Variants in EFCAB5 observed in about 807,000 individuals in gnomAD.
EFCAB5 encodes EF-hand calcium binding domain 5, also known as EF-hand calcium-binding domain-containing protein 5.
EFCAB5 carries 131 observed loss-of-function variants against 167.9 expected under a neutral mutation model. That is an observed-to-expected ratio of 0.78 (90% confidence interval 0.68 to 0.90). The LOEUF (loss-of-function observed/expected upper bound fraction) is 0.90. Ranked by LOEUF, EFCAB5 falls within the 40% of genes least tolerant of loss-of-function variation. The pLI, the probability that EFCAB5 is intolerant of heterozygous loss-of-function variation, is 0.00. For missense variants in EFCAB5, 1,663 were observed against 1,745.2 expected (o/e 0.95, Z 0.84); for synonymous variants, 574 against 602.8 (o/e 0.95, Z 0.70).
At chr17:29,931,108 A>C (rs1453185249) in intron 1 of EFCAB5, among the ~76,000 whole-genome samples, 1 of 152,252 alleles carries the variant, frequency 6.6e-6, no homozygotes, top group African/African-American at 2.4e-5. Flanking sequence ...AATCAAGATT[A>C]AAAAGGAAAA....
At chr17:30,046,896 T>C (rs2069944198) in intron 8 of EFCAB5, among the ~76,000 whole-genome samples, 1 of 152,202 alleles carries the variant, frequency 6.6e-6, no homozygotes, top group Non-Finnish European at 1.5e-5. Context: ...CCAGGAATAC[T>C]AGTTCAAAGT....
chr17:30,008,953 G>C (rs2068833515), intron 7 of EFCAB5, among the ~76,000 whole-genome samples: 3 of 152,294 alleles, frequency 2.0e-5, no homozygotes, highest in South Asian at 4.1e-4. Context: ...GTCTGTGGAA[G>C]AATTTGTTCC....
At chr17:30,061,984 A>C (rs2070437288) in intron 14 of EFCAB5, among the ~76,000 whole-genome samples, 2 of 152,192 alleles carry the variant, frequency 1.3e-5, no homozygotes, top group South Asian at 4.1e-4. Context: ...GGAATAAGCC[A>C]TTTTTTCCCC....
chr17:30,005,566 A>G (rs1033633508), intron 7 of EFCAB5, among the ~76,000 whole-genome samples: 14 of 152,276 alleles, frequency 9.2e-5, no homozygotes, highest in African/African-American at 2.6e-4. Context: ...ATATGTTTGT[A>G]AACTAAAAAT....
chr17:30,051,777 T>A (rs1378454061), intron 9 of EFCAB5, among the ~76,000 whole-genome samples: 1 of 152,100 alleles, frequency 6.6e-6, no homozygotes. Context: ...AAGGATAGTC[T>A]CAAATGCCTG....
intron 19 of EFCAB5, among the ~76,000 whole-genome samples, chr17:30,089,237 T>A (rs1162850470): frequency 4.6e-5 from 7 of 152,058 alleles, no homozygotes; most frequent in Non-Finnish European, 7.4e-5. Flanking sequence ...TTGGAGGAAG[T>A]CAGTTGACCA....
chr17:29,990,576 C>T (rs573761042), intron 4 of EFCAB5, among the ~76,000 whole-genome samples: 2 of 152,184 alleles, frequency 1.3e-5, no homozygotes, highest in Non-Finnish European at 2.9e-5. Flanking sequence ...ATCCTGTCAT[C>T]CCCACTGGCA....
Position 30,078,224 on chromosome 17 carries a change from A to AC in EFCAB5, c.2748dup (p.Ile917HisfsTer29). The AC allele has an allele frequency of 6.2e-7, 1 of 1,611,146 alleles. No individual in the cohort carries two copies. The highest frequency in any genetic ancestry group is 8.5e-7 in the Non-Finnish European group (1 of 1,178,148). On this transcript the variant is annotated frameshift_variant, in exon 15 of 23. Coordinates refer to ENST00000394835, the MANE Select transcript of EFCAB5 (RefSeq NM_198529.4). LOFTEE classifies it high-confidence loss of function. ...TGTTTGTGTCTTTTAGCTAAACTACACATCCAATTTCCAAAGCCACACCCT... is the reference window on the plus strand; with the variant it reads ...TGTTTGTGTCTTTTAGCTAAACTACACCATCCAATTTCCAAAGCCACACCCT...
At chr17:30,027,432 T>C (rs972227737) in intron 7 of EFCAB5, among the ~76,000 whole-genome samples, 2 of 151,764 alleles carry the variant, frequency 1.3e-5, no homozygotes, top group African/African-American at 4.8e-5. Flanking sequence ...TATACTTTAT[T>C]AGGTGTGGTT....
chr17:29,972,353 C>A (rs1015017523), intron 4 of EFCAB5, among the ~76,000 whole-genome samples: 1 of 151,928 alleles, frequency 6.6e-6, no homozygotes, highest in African/African-American at 2.4e-5. Flanking sequence ...CCGGCCCAGG[C>A]ATTTTTTAAA....
At chr17:29,948,124 C>G (rs1020210314) in intron 3 of EFCAB5, among the ~76,000 whole-genome samples, 4 of 152,092 alleles carry the variant, frequency 2.6e-5, no homozygotes, top group Admixed American at 2.0e-4. Context: ...CCGCGCCTGG[C>G]CTAAATTAAC....
intron 18 of EFCAB5, among the ~76,000 whole-genome samples, chr17:30,086,387 A>C (rs2071089103): frequency 6.6e-6 from 1 of 152,194 alleles, no homozygotes; most frequent in Admixed American, 6.5e-5. Flanking sequence ...AGAAGCAGGG[A>C]GAATGAAGAT....
chr17:30,024,625 T>C (rs1221188938), intron 7 of EFCAB5, among the ~76,000 whole-genome samples: 2 of 151,804 alleles, frequency 1.3e-5, no homozygotes, highest in African/African-American at 4.8e-5. Context: ...AATTTATAGA[T>C]TCAATGCCAT....
intron 7 of EFCAB5, among the ~76,000 whole-genome samples, chr17:30,001,649 A>G (rs1349633976): frequency 6.6e-6 from 1 of 152,204 alleles, no homozygotes; most frequent in African/African-American, 2.4e-5. Flanking sequence ...TATGTGAATT[A>G]TGTCTCCATA....
chr17:30,066,539 A>G (rs1332094644), intron 14 of EFCAB5, among the ~76,000 whole-genome samples: 2 of 152,154 alleles, frequency 1.3e-5, no homozygotes, highest in East Asian at 1.9e-4. Context: ...AGAGAAGTTT[A>G]TAGAAATAAA....
At chr17:30,005,446 G>A (rs1308572042) in intron 7 of EFCAB5, among the ~76,000 whole-genome samples, 2 of 151,968 alleles carry the variant, frequency 1.3e-5, no homozygotes, top group Non-Finnish European at 2.9e-5. Context: ...TTCTTCTTAC[G>A]TAAATTATGC....
At chr17:29,944,648 A>T (rs1262811317) in intron 3 of EFCAB5, among the ~76,000 whole-genome samples, 5 of 144,684 alleles carry the variant, frequency 3.5e-5, no homozygotes, top group African/African-American at 1.3e-4. Flanking sequence ...TTTGAGACGA[A>T]GTTTTGCGCT....
At chr17:30,106,411 A>C (rs2071449722) in intron 22 of EFCAB5, among the ~76,000 whole-genome samples, 1 of 152,142 alleles carries the variant, frequency 6.6e-6, no homozygotes, top group African/African-American at 2.4e-5. Flanking sequence ...GAAATGAATA[A>C]AATAGACTTG....
At chr17:30,056,391 T>C (rs1288493435) in intron 12 of EFCAB5, among the ~76,000 whole-genome samples, 1 of 152,212 alleles carries the variant, frequency 6.6e-6, no homozygotes, top group Admixed American at 6.5e-5. Context: ...CTTTAAAACT[T>C]ATGGCATTAG....
Sources: allele counts gnomAD v4.1 joint callset (sites outside exome capture counted in the v4.1 genomes callset), GRCh38; gene constraint gnomAD v4.1.1; transcripts MANE v1.5; gene names NCBI Gene and HGNC (gene_info 2026-07-23, HGNC 2026-07-21).